Variants in PKN2 observed in about 807,000 individuals in gnomAD.
The protein encoded by PKN2 is serine/threonine-protein kinase N2.
Under a neutral mutation model 119.1 loss-of-function variants are expected in PKN2, and 38 were observed. The ratio of observed to expected loss-of-function variants is 0.32; its 90% CI spans 0.25 to 0.42. The LOEUF (loss-of-function observed/expected upper bound fraction) is 0.42, where lower values mean the gene tolerates loss of function less well. Ranked by LOEUF, PKN2 falls within the 10% of genes least tolerant of loss-of-function variation. The pLI is 1.00. For missense variants in PKN2, 850 were observed against 1,165.1 expected (o/e 0.73, Z 3.94); for synonymous variants, 390 against 384.9 (o/e 1.01, Z -0.15).
chr1:88,777,293 AG>A (rs1358117023), intron 6 of PKN2, among the ~76,000 whole-genome samples: 1 of 152,074 alleles, frequency 6.6e-6, no homozygotes, highest in Non-Finnish European at 1.5e-5. Flanking sequence ...CTCTATTTGT[AG>A]ACACATCACT....
chr1:88,705,784 A>C (rs1666975227), intron 1 of PKN2, among the ~76,000 whole-genome samples: 1 of 152,004 alleles, frequency 6.6e-6, no homozygotes, highest in South Asian at 2.1e-4. Flanking sequence ...TGTGTGCGAC[A>C]ATTTCTGCTC....
chr1:88,770,195 T>A (rs1669827403), intron 3 of PKN2, among the ~76,000 whole-genome samples, 157 bp from the exon 4 acceptor site: 1 of 152,252 alleles, frequency 6.6e-6, no homozygotes, highest in Non-Finnish European at 1.5e-5. Context: ...TGGCTCTTTT[T>A]TAGTAAATGT....
chr1:88,776,063 G>C (rs539275498), intron 6 of PKN2, among the ~76,000 whole-genome samples: 2 of 150,120 alleles, frequency 1.3e-5, no homozygotes, highest in African/African-American at 2.5e-5. Flanking sequence ...AGCCGAGATC[G>C]TGCCACTGCA....
At chr1:88,781,276 T>C in intron 6 of PKN2, 2 of 468,274 alleles carry the variant, frequency 4.3e-6, no homozygotes, top group Non-Finnish European at 6.7e-6. Context: ...GCCAGTTTGT[T>C]GCTACTTTGA....
chr1:88,809,815 A>G (rs1340591198), intron 15 of PKN2, among the ~76,000 whole-genome samples: 1 of 152,072 alleles, frequency 6.6e-6, no homozygotes, highest in South Asian at 2.1e-4. Flanking sequence ...GGGTCTTGGT[A>G]TGTTGTCCAG....
At chr1:88,734,676 G>T (rs537723155) in intron 1 of PKN2, among the ~76,000 whole-genome samples, 1 of 152,190 alleles carries the variant, frequency 6.6e-6, no homozygotes, top group African/African-American at 2.4e-5. Flanking sequence ...GGCTATTTAT[G>T]TTCTCTTGTT....
At chr1:88,760,521 G>A (rs1363934105) in intron 3 of PKN2, 145 bp downstream of exon 3, 2 of 494,870 alleles carry the variant, frequency 4.0e-6, no homozygotes, top group Non-Finnish European at 7.2e-6. Context: ...TTGTGTACAT[G>A]CATGGAGCAG....
chr1:88,717,903 T>C (rs1667520565), intron 1 of PKN2, among the ~76,000 whole-genome samples: 1 of 152,208 alleles, frequency 6.6e-6, no homozygotes, highest in Non-Finnish European at 1.5e-5. Flanking sequence ...TCAGCTTTTC[T>C]GCTCTGGTTT....
chr1:88,784,441 C>T (rs1670485989), intron 6 of PKN2, among the ~76,000 whole-genome samples, 198 bp from the exon 7 acceptor site: 1 of 152,008 alleles, frequency 6.6e-6, no homozygotes, highest in Admixed American at 6.6e-5. Flanking sequence ...TATAAAATTT[C>T]TTATAGTTGT....
chr1:88,795,787 A>G (rs764521057), intron 8 of PKN2, among the ~76,000 whole-genome samples: 1 of 152,302 alleles, frequency 6.6e-6, no homozygotes, highest in Non-Finnish European at 1.5e-5. Flanking sequence ...TTTCTAGTCT[A>G]TCCTTTTGGC....
intron 2 of PKN2, among the ~76,000 whole-genome samples, chr1:88,744,569 A>G (rs534868561): frequency 6.6e-6 from 1 of 152,196 alleles, no homozygotes; most frequent in African/African-American, 2.4e-5. Context: ...TACAGGCTCC[A>G]TGCCACCACA....
At chr1:88,805,870 A>C (rs1022451141) in intron 11 of PKN2, 21 bp from the exon 12 acceptor site, 1 of 1,612,514 alleles carries the variant, frequency 6.2e-7, no homozygotes. Context: ...TGTTTTGGTG[A>C]GTTACTTTAT....
intron 1 of PKN2, among the ~76,000 whole-genome samples, chr1:88,697,264 A>G (rs1182076392): frequency 6.6e-6 from 1 of 152,184 alleles, no homozygotes; most frequent in Non-Finnish European, 1.5e-5. Context: ...GTCGCTAGCA[A>G]CTGACATATA....
chr1:88,825,210 G>GT (rs1284524430), intron 18 of PKN2, among the ~76,000 whole-genome samples: 1 of 152,202 alleles, frequency 6.6e-6, no homozygotes, highest in African/African-American at 2.4e-5. Context: ...GCTGAATCAA[G>GT]TAAGTTTTTT....
chr1:88,707,215 T>C (rs1297806457), intron 1 of PKN2, among the ~76,000 whole-genome samples: 1 of 152,120 alleles, frequency 6.6e-6, no homozygotes, highest in Non-Finnish European at 1.5e-5. Context: ...AAAATAAACG[T>C]TTTATAGATG....
intron 2 of PKN2, among the ~76,000 whole-genome samples, chr1:88,754,755 T>C (rs1669135440): frequency 6.6e-6 from 1 of 152,202 alleles, no homozygotes; most frequent in Admixed American, 6.5e-5. Flanking sequence ...ACAATTTATA[T>C]TGGCTAAATG....
intron 1 of PKN2, among the ~76,000 whole-genome samples, chr1:88,721,302 A>T (rs1363698245): frequency 6.6e-6 from 1 of 151,836 alleles, no homozygotes; most frequent in African/African-American, 2.4e-5. Context: ...TTTTATTTTT[A>T]AAATTATGGC....
chr1:88,767,727 C>G (rs1470029925), intron 3 of PKN2, among the ~76,000 whole-genome samples: 2 of 152,042 alleles, frequency 1.3e-5, no homozygotes, highest in Admixed American at 6.5e-5. Context: ...TTTGGGAATA[C>G]AAAAGAAATA....
At chr1:88,763,607 C>CAAA (rs34763457) in intron 3 of PKN2, among the ~76,000 whole-genome samples, 12 of 103,358 alleles carry the variant, frequency 1.2e-4, no homozygotes, top group South Asian at 3.1e-4. Flanking sequence ...AACTCCATCT[C>CAAA]AAAAAAAAAA....
Sources: allele counts gnomAD v4.1 joint callset (sites outside exome capture counted in the v4.1 genomes callset), GRCh38; gene constraint gnomAD v4.1.1; transcripts MANE v1.5; gene names NCBI Gene and HGNC (gene_info 2026-07-23, HGNC 2026-07-21).